Variants in SLC4A4 observed in about 807,000 individuals in gnomAD.
The protein encoded by SLC4A4 is electrogenic sodium bicarbonate cotransporter 1.
In SLC4A4, 27 loss-of-function variants were observed where a neutral mutation model predicts 111.5. The observed-to-expected ratio is 0.24, with a 90% CI of 0.18 to 0.33. SLC4A4 has a LOEUF of 0.33. SLC4A4 is among the 10% of genes least tolerant of loss of function. The probability of loss-of-function intolerance (pLI) is 1.00; values close to 1 mark genes in which losing one functional copy is unlikely to be tolerated. For synonymous variants in SLC4A4, 443 were observed against 463.4 expected, an observed-to-expected ratio of 0.96 and a Z score of 0.57; for missense variants, 909 against 1,315.5, an observed-to-expected ratio of 0.69 and a Z score of 4.78.
At chr4:71,103,281 G>A (rs1316787907) in intron 2 of SLC4A4, among the ~76,000 whole-genome samples, 1 of 151,874 alleles carries the variant, frequency 6.6e-6, no homozygotes, top group Non-Finnish European at 1.5e-5. Flanking sequence ...CAAGTCCTGA[G>A]TGACCTACAA....
At chr4:71,117,878 T>TTC (rs199825887) in intron 2 of SLC4A4, among the ~76,000 whole-genome samples, 1,178 of 18,060 alleles carry the variant, frequency 0.065, 9 homozygotes, top group South Asian at 0.38. Context: ...TACATTTTCT[T>TTC]TTTTTTTTTT....
rs545412249 is a variant in SLC4A4 at position 71,148,334 on chromosome 4, T to G, written c.-2+55542T>G. 7.5e-4 allele frequency among the ~76,000 whole-genome samples: 114 copies of G among 152,302 alleles called. 1 individual carries two copies. The South Asian group carries it at 0.024, about 32-fold the overall frequency. ...CTCTTCTGGGACCTTGTGAAACAAG[T>G]CCTGGGTCTGTCTAAAAAGAAACTG... On this transcript the variant is annotated intron_variant, in intron 2 of 26. Coordinates refer to the SLC4A4 transcript ENST00000649996.
At chr4:71,450,627 C>A in intron 10 of SLC4A4, 84 bp downstream of exon 10, 1 of 1,270,872 alleles carries the variant, frequency 7.9e-7, no homozygotes, top group Non-Finnish European at 1.1e-6. Context: ...GTGAAGTCAA[C>A]CTGTTGTTCT....
At chr4:71,220,625 A>C (rs1718685569) in intron 1 of SLC4A4, among the ~76,000 whole-genome samples, 1 of 152,150 alleles carries the variant, frequency 6.6e-6, no homozygotes, top group Admixed American at 6.5e-5. Flanking sequence ...TTAGCATCTC[A>C]ACCCATGTGT....
chr4:71,177,175 G>A (rs1745121991), intron 2 of SLC4A4, among the ~76,000 whole-genome samples: 1 of 152,132 alleles, frequency 6.6e-6, no homozygotes, highest in African/African-American at 2.4e-5. Context: ...GCTCCTGAAG[G>A]AAGCACTAAA....
At chr4:71,355,845 C>T (rs550849892) in intron 5 of SLC4A4, among the ~76,000 whole-genome samples, 46 of 152,262 alleles carry the variant, frequency 3.0e-4, no homozygotes, top group African/African-American at 1.1e-3. Context: ...ATTTTCTTGC[C>T]GGCTTTTGGA....
chr4:71,274,193 A>C (rs1722904743), intron 3 of SLC4A4, among the ~76,000 whole-genome samples: 1 of 152,232 alleles, frequency 6.6e-6, no homozygotes, highest in South Asian at 2.1e-4. Flanking sequence ...GAGAATCGTA[A>C]TGAAGAAAGA....
chr4:71,087,300 T>C (rs1298895236), intron 1 of SLC4A4, among the ~76,000 whole-genome samples: 1 of 152,072 alleles, frequency 6.6e-6, no homozygotes, highest in African/African-American at 2.4e-5. Flanking sequence ...CTCTCTTTTT[T>C]CTTTATTAGT....
chr4:71,194,392 T>C (rs989840284), intron 1 of SLC4A4, among the ~76,000 whole-genome samples: 4 of 152,228 alleles, frequency 2.6e-5, no homozygotes, highest in African/African-American at 9.6e-5. Flanking sequence ...TAAATGTTTG[T>C]TGGCTGAATG....
chr4:71,322,701 T>C (rs1269798656), intron 3 of SLC4A4, among the ~76,000 whole-genome samples: 1 of 151,970 alleles, frequency 6.6e-6, no homozygotes. Context: ...AGAGAAGTGA[T>C]GTAGGGAGTG....
intron 18 of SLC4A4, among the ~76,000 whole-genome samples, chr4:71,539,944 G>A (rs1212462510): frequency 6.6e-6 from 1 of 152,140 alleles, no homozygotes; most frequent in Admixed American, 6.6e-5. Context: ...ACTTCTCAAA[G>A]TGTGTGCTTA....
At chr4:71,353,855 C>G (rs1220808574) in intron 5 of SLC4A4, among the ~76,000 whole-genome samples, 1 of 152,230 alleles carries the variant, frequency 6.6e-6, no homozygotes, top group Non-Finnish European at 1.5e-5. Flanking sequence ...TGAGAGGCAT[C>G]TCACCCTGCA....
chr4:71,423,383 G>T (rs1722755727), intron 7 of SLC4A4, among the ~76,000 whole-genome samples: 3 of 152,206 alleles, frequency 2.0e-5, no homozygotes, highest in Admixed American at 1.3e-4. Flanking sequence ...TGGGTAGGAA[G>T]AATCAATATC....
intron 3 of SLC4A4, among the ~76,000 whole-genome samples, chr4:71,326,106 C>T (rs1331674587): frequency 1.3e-5 from 2 of 151,862 alleles, no homozygotes; most frequent in African/African-American, 4.8e-5. Context: ...CATGCCCCTT[C>T]TTCCCTTATT....
chr4:71,171,335 T>C (rs1432006134), intron 2 of SLC4A4, among the ~76,000 whole-genome samples: 1 of 152,126 alleles, frequency 6.6e-6, no homozygotes, highest in Non-Finnish European at 1.5e-5. Flanking sequence ...TTTCTTTATG[T>C]ACCTCCTACA....
intron 9 of SLC4A4, among the ~76,000 whole-genome samples, chr4:71,448,319 CAAA>C (rs5859260): frequency 1.2e-3 from 107 of 89,594 alleles, no homozygotes; most frequent in South Asian, 2.2e-3. Context: ...GATTCCATCT[CAAA>C]AAAAAAAAAA....
intron 20 of SLC4A4, 94 bp downstream of exon 20, chr4:71,547,814 A>T: frequency 9.3e-7 from 1 of 1,071,936 alleles, no homozygotes; most frequent in Non-Finnish European, 1.4e-6. Context: ...TATTTGCGAG[A>T]TTCTCATCAG....
At chr4:71,176,355 A>G (rs1200277642) in intron 2 of SLC4A4, among the ~76,000 whole-genome samples, 1 of 152,208 alleles carries the variant, frequency 6.6e-6, no homozygotes, top group Non-Finnish European at 1.5e-5. Flanking sequence ...TTGAGAGAAG[A>G]AGGCTTCAGG....
chr4:71,173,911 T>C (rs1745012692), intron 2 of SLC4A4, among the ~76,000 whole-genome samples: 1 of 152,212 alleles, frequency 6.6e-6, no homozygotes, highest in Non-Finnish European at 1.5e-5. Context: ...AAGGGGATTT[T>C]TATTAAGATT....
Sources: allele counts gnomAD v4.1 joint callset (sites outside exome capture counted in the v4.1 genomes callset), GRCh38; gene constraint gnomAD v4.1.1; transcripts MANE v1.5; gene names NCBI Gene and HGNC (gene_info 2026-07-23, HGNC 2026-07-21).